COL8A1: variants seen among roughly 807,000 people sequenced by gnomAD.
The protein encoded by COL8A1 is collagen type VIII alpha 1 chain.
Under a neutral mutation model 42.7 loss-of-function variants are expected in COL8A1, and 21 were observed. The ratio of observed to expected loss-of-function variants is 0.49; its 90% confidence interval spans 0.35 to 0.71. The LOEUF (loss-of-function observed/expected upper bound fraction) is 0.71. Ranked by LOEUF, COL8A1 falls within the 30% of genes least tolerant of loss-of-function variation. The pLI, the probability that COL8A1 is intolerant of heterozygous loss-of-function variation, is 0.01. For missense variants in COL8A1, 788 were observed against 962.4 expected (o/e 0.82, Z 2.40); for synonymous variants, 367 against 369.1 (o/e 0.99, Z 0.06).
chr3:99,656,525 G>T (rs1938027710), intron 1 of COL8A1, among the ~76,000 whole-genome samples: 1 of 151,832 alleles, frequency 6.6e-6, no homozygotes, highest in South Asian at 2.1e-4. Context: ...CCTCACAGGG[G>T]TCTGTTGGAC....
Position 99,794,426 on chromosome 3 carries a change from TG to T in COL8A1, c.529del (p.Ala177GlnfsTer77). 1 of 1,613,776 alleles carries T rather than the reference TG, an allele frequency of 6.2e-7. No individual in the cohort carries two copies. Among genetic ancestry groups the T allele is most frequent in the Non-Finnish European group, 8.5e-7 (1 of 1,179,884 alleles). On this transcript the variant is annotated frameshift_variant, in exon 4 of 4. Coordinates refer to ENST00000652472, the MANE Select transcript of COL8A1 (RefSeq NM_020351.4). LOFTEE classifies it high-confidence loss of function. This position sits in a 1 kb window ranked among gnomAD's most constrained non-coding sequence, Gnocchi z 4.3. ...PGKPGAMGMP[G>X]AKGEIGQKGE... ...GGAAGCCAGGAGCCATGGGCATGCCTGGGGCAAAAGGAGAAATTGGACAGAA... is the reference window on the plus strand; with the variant it reads ...GGAAGCCAGGAGCCATGGGCATGCCTGGGCAAAAGGAGAAATTGGACAGAA...
chr3:99,651,597 A>G lies in COL8A1; in HGVS notation c.-129+12933A>G, dbSNP rs534602879. ...ATCATGCCAACAGGCCAACCATGCA[A>G]TAAAATCCTGTACCTGGCAAAGCCA... On this transcript the variant is annotated intron_variant, in intron 1 of 3. Transcript: ENST00000652472. Among the ~76,000 whole-genome samples, 56 of 152,386 alleles carry G rather than the reference A, an allele frequency of 3.7e-4. 1 individual carries two copies. The highest frequency in any genetic ancestry group is 3.4e-3 in the Middle Eastern group (1 of 294).
chr3:99,654,694 G>A (rs1194301065), intron 1 of COL8A1, among the ~76,000 whole-genome samples: 1 of 152,032 alleles, frequency 6.6e-6, no homozygotes, highest in Non-Finnish European at 1.5e-5. Flanking sequence ...AAGCTGAAGT[G>A]GGAGGATCAC....
Position 99,681,158 on chromosome 3 carries a change from G to C in COL8A1, c.-129+42494G>C, listed in dbSNP as rs141018410. Among the ~76,000 whole-genome samples the C allele has an allele frequency of 3.2e-3, 484 of 152,272 alleles. 4 individuals carry two copies. Among genetic ancestry groups the C allele is most frequent in the African/African-American group, 0.011 (466 of 41,546 alleles). ...ACAAATGAGATCTAATTAAACTAAA[G>C]AGCTTCTGCACAGCAAAATAAACTA... On this transcript the variant is annotated intron_variant, in intron 1 of 3. Coordinates refer to ENST00000652472, the MANE Select transcript of COL8A1 (RefSeq NM_020351.4).
At chr3:99,768,052 A>G (rs1941498949) in intron 2 of COL8A1, among the ~76,000 whole-genome samples, 1 of 152,220 alleles carries the variant, frequency 6.6e-6, no homozygotes, top group African/African-American at 2.4e-5. Flanking sequence ...CCCATTTCAA[A>G]TTGAAAATAA....
At chr3:99,655,353 A>G (rs1198971462) in intron 1 of COL8A1, among the ~76,000 whole-genome samples, 2 of 152,250 alleles carry the variant, frequency 1.3e-5, no homozygotes, top group Non-Finnish European at 2.9e-5. Context: ...GATTTAAAAT[A>G]TACAAAACAG....
chr3:99,658,695 C>A (rs541508836), intron 1 of COL8A1, among the ~76,000 whole-genome samples: 1 of 152,224 alleles, frequency 6.6e-6, no homozygotes, highest in South Asian at 2.1e-4. Context: ...CTGGCAGATA[C>A]AAAGGTCAAC....
chr3:99,730,490 C>T (rs1297521005), intron 1 of COL8A1, among the ~76,000 whole-genome samples: 2 of 152,088 alleles, frequency 1.3e-5, no homozygotes, highest in Admixed American at 1.3e-4. Flanking sequence ...AAGTTTCCTG[C>T]ACCCCAGAGT....
At chr3:99,659,891 C>T (rs1269137556) in intron 1 of COL8A1, among the ~76,000 whole-genome samples, 1 of 152,154 alleles carries the variant, frequency 6.6e-6, no homozygotes, top group African/African-American at 2.4e-5. Context: ...ACCTTAAATT[C>T]CCTATGAACC....
At chr3:99,759,954 G>A (rs1941335472) in intron 2 of COL8A1, among the ~76,000 whole-genome samples, 1 of 152,086 alleles carries the variant, frequency 6.6e-6, no homozygotes, top group African/African-American at 2.4e-5. Flanking sequence ...TTTCTACCAT[G>A]GACAATCACA....
At chr3:99,665,783 G>T (rs185216740) in intron 1 of COL8A1, among the ~76,000 whole-genome samples, 1 of 145,430 alleles carries the variant, frequency 6.9e-6, no homozygotes, top group Non-Finnish European at 1.5e-5. Flanking sequence ...CCGGGTTCAA[G>T]CAATTCTCCT....
At chr3:99,693,782 A>G (rs1470976098) in intron 1 of COL8A1, among the ~76,000 whole-genome samples, 2 of 152,242 alleles carry the variant, frequency 1.3e-5, no homozygotes, top group African/African-American at 2.4e-5. Flanking sequence ...ATGTTTATAA[A>G]GTCTACAATA....
chr3:99,761,580 G>A (rs1293493072), intron 2 of COL8A1, among the ~76,000 whole-genome samples: 3 of 152,158 alleles, frequency 2.0e-5, no homozygotes, highest in Non-Finnish European at 4.4e-5. Flanking sequence ...GTAACTACTA[G>A]GTTAGGATTA....
chr3:99,754,716 TCAAC>T (rs1295480645), intron 2 of COL8A1, among the ~76,000 whole-genome samples: 3 of 152,198 alleles, frequency 2.0e-5, no homozygotes, highest in African/African-American at 7.2e-5. Flanking sequence ...GGATTGAGGT[TCAAC>T]CCCCTCTCAC....
chr3:99,697,124 C>G (rs62281855), intron 1 of COL8A1, among the ~76,000 whole-genome samples: 2 of 149,490 alleles, frequency 1.3e-5, no homozygotes, highest in Non-Finnish European at 3.0e-5. Context: ...GTAGCTGGGA[C>G]TACAGGCGCC....
chr3:99,664,274 C>T (rs1938296775), intron 1 of COL8A1, among the ~76,000 whole-genome samples: 1 of 152,174 alleles, frequency 6.6e-6, no homozygotes, highest in African/African-American at 2.4e-5. Flanking sequence ...CCAGGCACAA[C>T]TTAGGGCCTC....
intron 2 of COL8A1, among the ~76,000 whole-genome samples, chr3:99,759,005 G>A (rs1941313671): frequency 6.6e-6 from 1 of 151,986 alleles, no homozygotes; most frequent in African/African-American, 2.4e-5. Context: ...AGAGTCATAT[G>A]GCTGGCTTCT....
At chr3:99,689,993 T>C (rs1229251515) in intron 1 of COL8A1, among the ~76,000 whole-genome samples, 3 of 152,220 alleles carry the variant, frequency 2.0e-5, no homozygotes, top group Admixed American at 2.0e-4. Context: ...ACAGTTAAAA[T>C]GCATGCCCTT....
intron 1 of COL8A1, among the ~76,000 whole-genome samples, chr3:99,716,212 G>C (rs1374531893): frequency 6.6e-6 from 1 of 151,968 alleles, no homozygotes; most frequent in Non-Finnish European, 1.5e-5. Flanking sequence ...CATTTTAGTA[G>C]AATTATTTAC....
Sources: gnomAD v4.1 joint callset for allele counts (sites outside exome capture counted in the v4.1 genomes callset) on GRCh38, gnomAD v4.1.1 for gene constraint, Gnocchi (gnomAD v3.1) non-coding constraint, MANE v1.5 for transcripts, NCBI Gene and HGNC (gene_info 2026-07-23, HGNC 2026-07-21) for gene names.